Variants in ATP8B1 observed in about 807,000 individuals in gnomAD.
ATP8B1 encodes the protein phospholipid-transporting ATPase IC.
Under a neutral mutation model 149.9 loss-of-function variants are expected in ATP8B1, and 80 were observed. The ratio of observed to expected loss-of-function variants is 0.53; its 90% CI spans 0.45 to 0.64. The LOEUF is 0.64. Ranked by LOEUF, ATP8B1 falls within the 30% of genes least tolerant of loss-of-function variation. The pLI is 0.00. For missense variants in ATP8B1, 1,247 were observed against 1,552.6 expected (o/e 0.80, Z 3.31); for synonymous variants, 536 against 562.8 (o/e 0.95, Z 0.67).
intron 1 of ATP8B1, among the ~76,000 whole-genome samples, chr18:57,775,178 G>T (rs138164262): frequency 6.6e-6 from 1 of 152,134 alleles, no homozygotes; most frequent in Non-Finnish European, 1.5e-5. Flanking sequence ...GTAGTTGGGC[G>T]TGGTGGCATG....
intron 1 of ATP8B1, among the ~76,000 whole-genome samples, chr18:57,761,822 C>T (rs1032287490): frequency 6.0e-5 from 9 of 150,916 alleles, no homozygotes; most frequent in Non-Finnish European, 8.8e-5. Context: ...TGGTGGTACA[C>T]ACCTGTAGTC....
chr18:57,688,056 T>C (rs958039833), intron 13 of ATP8B1, among the ~76,000 whole-genome samples: 23 of 152,190 alleles, frequency 1.5e-4, no homozygotes, highest in African/African-American at 5.5e-4. Context: ...GTGCTGGGAT[T>C]ACAGGCCTGA....
At chr18:57,713,157 C>CTTTCTT (rs1170906202) in intron 2 of ATP8B1, among the ~76,000 whole-genome samples, 1 of 92,040 alleles carries the variant, frequency 1.1e-5, no homozygotes, top group Non-Finnish European at 2.1e-5. Context: ...CTTGATCTTT[C>CTTTCTT]TCTTTCTTTC....
At chr18:57,699,047 C>T (rs532262043) in intron 6 of ATP8B1, among the ~76,000 whole-genome samples, 7 of 152,286 alleles carry the variant, frequency 4.6e-5, no homozygotes, top group African/African-American at 1.4e-4. Flanking sequence ...TCAACTGTGA[C>T]GAAAGCACCA....
At chr18:57,716,581 G>A (rs1490394987) in intron 2 of ATP8B1, among the ~76,000 whole-genome samples, 2 of 151,828 alleles carry the variant, frequency 1.3e-5, no homozygotes, top group African/African-American at 4.8e-5. Flanking sequence ...ACTATAAGAA[G>A]AGACAAAGTC....
At chr18:57,692,620 G>A (rs1555692346) in intron 11 of ATP8B1, among the ~76,000 whole-genome samples, 1 of 151,770 alleles carries the variant, frequency 6.6e-6, no homozygotes, top group Non-Finnish European at 1.5e-5. Context: ...CTTTTTAGTA[G>A]AGACGAGTTT....
chr18:57,790,557 C>T (rs1319793290), intron 1 of ATP8B1, among the ~76,000 whole-genome samples: 4 of 152,072 alleles, frequency 2.6e-5, no homozygotes, highest in Non-Finnish European at 5.9e-5. Context: ...GGCCTTTGCA[C>T]ATGCGGTTCC....
At chr18:57,781,660 A>C (rs1369460470) in intron 1 of ATP8B1, among the ~76,000 whole-genome samples, 1 of 152,230 alleles carries the variant, frequency 6.6e-6, no homozygotes, top group East Asian at 1.9e-4. Flanking sequence ...TTAAATCCTA[A>C]CACAGACTGT....
At chr18:57,667,038 T>G (rs1910903498) in intron 20 of ATP8B1, 54 bp downstream of exon 20, 2 of 1,461,466 alleles carry the variant, frequency 1.4e-6, no homozygotes, top group Admixed American at 1.7e-5. Flanking sequence ...CAGACAGTCT[T>G]GCATTTGCAA....
intron 15 of ATP8B1, among the ~76,000 whole-genome samples, chr18:57,676,455 C>T (rs35281475): frequency 0.022 from 3,358 of 151,648 alleles, 47 homozygotes; most frequent in South Asian, 0.035. Flanking sequence ...TGCAGTGGCT[C>T]ACGCCTGTAA....
At chr18:57,741,294 T>C (rs1316797434) in intron 1 of ATP8B1, among the ~76,000 whole-genome samples, 1 of 152,168 alleles carries the variant, frequency 6.6e-6, no homozygotes, top group Non-Finnish European at 1.5e-5. Context: ...ACTTCCATGA[T>C]TAGGTTATAA....
chr18:57,655,126 C>T (rs1909901888), intron 23 of ATP8B1, 68 bp downstream of exon 23: 1 of 1,422,464 alleles, frequency 7.0e-7, no homozygotes, highest in South Asian at 1.2e-5. Flanking sequence ...ATTGTCTTTT[C>T]AGAACTAGAT....
chr18:57,765,828 C>T (rs1048985058), intron 1 of ATP8B1, among the ~76,000 whole-genome samples: 7 of 151,428 alleles, frequency 4.6e-5, no homozygotes, highest in East Asian at 4.0e-4. Flanking sequence ...AAAAATTAGC[C>T]GGGCATGGTG....
At chr18:57,726,952 C>T (rs1294352836) in intron 2 of ATP8B1, among the ~76,000 whole-genome samples, 3 of 152,008 alleles carry the variant, frequency 2.0e-5, no homozygotes, top group South Asian at 2.1e-4. Context: ...TGATGGCGGG[C>T]GCCGGTAATC....
At chr18:57,763,162 A>C (rs1184138820) in intron 1 of ATP8B1, among the ~76,000 whole-genome samples, 1 of 152,048 alleles carries the variant, frequency 6.6e-6, no homozygotes, top group African/African-American at 2.4e-5. Context: ...GGGAAGCCGA[A>C]GCGGGCAGAT....
At chr18:57,697,561 G>A in intron 8 of ATP8B1, 57 bp downstream of exon 8, 1 of 1,567,766 alleles carries the variant, frequency 6.4e-7, no homozygotes, top group South Asian at 1.1e-5. Flanking sequence ...CGATTTCAGT[G>A]GAATGAATGT....
intron 2 of ATP8B1, among the ~76,000 whole-genome samples, chr18:57,713,217 T>TC (rs1261903950): frequency 9.8e-5 from 13 of 132,048 alleles, no homozygotes; most frequent in African/African-American, 3.9e-4. Flanking sequence ...CCTTCCTTCC[T>TC]TCCTTCCTTC....
At chr18:57,780,568 G>A (rs1172146732) in intron 1 of ATP8B1, among the ~76,000 whole-genome samples, 1 of 152,122 alleles carries the variant, frequency 6.6e-6, no homozygotes, top group African/African-American at 2.4e-5. Context: ...AAAGGAAATC[G>A]TAACTACTTA....
rs562634439 is a variant in ATP8B1 at position 57,668,148 on chromosome 18, G to A, written c.2209+281C>T. ...ACAAGAGGGATGGCCCTTTCAGGAC[G>A]GGAACCCACGTCTGGCTGGAGAGAT... On this transcript the variant is annotated intron_variant, in intron 19 of 27. Transcript: ENST00000648908. 359 of 1,370,272 alleles carry A rather than the reference G, an allele frequency of 2.6e-4. 1 individual carries two copies. The African/African-American group carries it at 3.2e-3, about 12-fold the overall frequency. The allele number at this position is 1,370,272 out of a possible 1,614,324, so 84.9% of individuals were successfully genotyped here.
Sources: allele counts gnomAD v4.1 joint callset (sites outside exome capture counted in the v4.1 genomes callset), GRCh38; gene constraint gnomAD v4.1.1; transcripts MANE v1.5; gene names NCBI Gene and HGNC (gene_info 2026-07-23, HGNC 2026-07-21).